Variants in SMYD2 observed in about 807,000 individuals in gnomAD.
SMYD2 encodes N-lysine methyltransferase SMYD2.
In SMYD2, 53 loss-of-function variants were observed where a neutral mutation model predicts 59.1. The observed-to-expected ratio is 0.90, with a 90% confidence interval of 0.72 to 1.13. The LOEUF (loss-of-function observed/expected upper bound fraction) is 1.13. Among genes scored for constraint, SMYD2 ranks in the 50% most tolerant of loss-of-function variants. The probability of loss-of-function intolerance (pLI) is 0.00; values close to 1 mark genes in which losing one functional copy is unlikely to be tolerated. For synonymous variants in SMYD2, 208 were observed against 198.8 expected, an observed-to-expected ratio of 1.05 and a Z score of -0.39; for missense variants, 494 against 544.7, an observed-to-expected ratio of 0.91 and a Z score of 0.93.
At chr1:214,327,022 ATC>A (rs1385343786) in intron 6 of SMYD2, among the ~76,000 whole-genome samples, 2 of 152,246 alleles carry the variant, frequency 1.3e-5, no homozygotes, top group Non-Finnish European at 2.9e-5. Flanking sequence ...GCATAGGCGA[ATC>A]TCTCTCTCTC....
intron 1 of SMYD2, among the ~76,000 whole-genome samples, chr1:214,284,723 C>T (rs1656508133): frequency 6.6e-6 from 1 of 151,954 alleles, no homozygotes; most frequent in Non-Finnish European, 1.5e-5. Flanking sequence ...ATCATGTTGG[C>T]CAGGCTGGTC....
rs189064541 is a variant in SMYD2 at position 214,315,628 on chromosome 1, C to T, written c.348+756C>T. 5.3e-5 allele frequency among the ~76,000 whole-genome samples: 8 copies of T among 152,280 alleles called. No individual in the cohort carries two copies. In the East Asian group the frequency reaches 1.5e-3, roughly 29 times the overall value. On this transcript the variant is annotated intron_variant, in intron 3 of 11. Coordinates refer to ENST00000366957, the MANE Select transcript of SMYD2 (RefSeq NM_020197.3). ...AGTTTATTAGAAACATTTACTAGGA[C>T]TTATGAACTGAAGCCATGTCTATGT...
At chr1:214,290,266 C>G (rs372678659) in intron 1 of SMYD2, among the ~76,000 whole-genome samples, 1 of 152,172 alleles carries the variant, frequency 6.6e-6, no homozygotes, top group Admixed American at 6.5e-5. Context: ...TCCGTACATT[C>G]GCTGAGAATC....
At chr1:214,294,267 T>C (rs1438086294) in intron 1 of SMYD2, among the ~76,000 whole-genome samples, 3 of 152,236 alleles carry the variant, frequency 2.0e-5, no homozygotes, top group Non-Finnish European at 4.4e-5. Flanking sequence ...GTAATTCGCC[T>C]AAACAAATTG....
At chr1:214,290,695 G>A (rs1656622062) in intron 1 of SMYD2, among the ~76,000 whole-genome samples, 1 of 152,166 alleles carries the variant, frequency 6.6e-6, no homozygotes, top group South Asian at 2.1e-4. Context: ...TATCTTGGGG[G>A]AGGGACGTGG....
chr1:214,334,215 G>C lies in SMYD2; in HGVS notation c.1128G>C (p.Leu376Phe), dbSNP rs770042450. ...CTTGTTCTAGTAAGCACTATCCTTT[G>C]TACTCCCTCAACGTGGCCTCCATGT... ...IIKPYSKHYP[L>F]YSLNVASMWL... Residue 376 changes from leucine (L) to phenylalanine (F), a missense_variant, in exon 11 of 12, where the codon TTG becomes TTC. Coordinates refer to ENST00000366957, the MANE Select transcript of SMYD2 (RefSeq NM_020197.3). 20 of 1,613,852 alleles carry C rather than the reference G, an allele frequency of 1.2e-5. No individual in the cohort carries two copies. The Admixed American group carries it at 3.3e-4, about 27-fold the overall frequency.
rs543360148 is a variant in SMYD2 at position 214,282,267 on chromosome 1, A to G, written c.173+840A>G. On this transcript the variant is annotated intron_variant, in intron 1 of 11. Transcript: ENST00000366957. ...AATCACCAATTCAGTCTTGTCTTTC[A>G]CTTAATGGATGAGAAAACTAAAGCC... is the stretch of plus-strand genomic sequence containing the variant. Among the ~76,000 whole-genome samples, 5 of 152,316 alleles carry G rather than the reference A, an allele frequency of 3.3e-5. No individual in the cohort carries two copies. The South Asian group carries it at 1.0e-3, about 32-fold the overall frequency.
chr1:214,334,083 C>G (rs1169014169), intron 10 of SMYD2, 117 bp from the exon 11 acceptor site: 6 of 815,662 alleles, frequency 7.4e-6, no homozygotes, highest in African/African-American at 1.7e-5. Flanking sequence ...TTTGGAGAGG[C>G]CGCTGGTGGG....
intron 1 of SMYD2, among the ~76,000 whole-genome samples, chr1:214,298,854 CA>C (rs1321417588): frequency 6.6e-6 from 1 of 152,158 alleles, no homozygotes; most frequent in Non-Finnish European, 1.5e-5. Context: ...ATTAAACAGT[CA>C]AAAAATAACA....
At chr1:214,281,643 C>T (rs1015322752) in intron 1 of SMYD2, among the ~76,000 whole-genome samples, 17 of 152,194 alleles carry the variant, frequency 1.1e-4, no homozygotes, top group Admixed American at 1.1e-3. Context: ...ACCGGTGCCC[C>T]GCTGCACGCC....
In SMYD2 at chr1:214,327,701, C is replaced by A. The variant is rs866032840; in HGVS notation, c.682C>A (p.Gln228Lys). 1 of 1,614,116 alleles carries A rather than the reference C, an allele frequency of 6.2e-7. No homozygotes were observed. Among genetic ancestry groups the A allele is most frequent in the African/African-American group, 1.3e-5 (1 of 75,024 alleles). ...KGTLAEVRAV[Q>K]EIKPGEEVFT... ...GACCCTGGCAGAAGTCAGAGCTGTA[C>A]AGGAAATCAAGCCGGGAGAGGAGGT... Residue 228 changes from glutamine to lysine, a missense_variant, in exon 7 of 12, where the codon CAG (glutamine) becomes AAG (lysine). Gln to Lys is a moderately conservative substitution (Grantham distance 53, BLOSUM62 1). Transcript: ENST00000366957.
At chr1:214,335,398 G>A (rs1657420663) in intron 11 of SMYD2, among the ~76,000 whole-genome samples, 1 of 152,242 alleles carries the variant, frequency 6.6e-6, no homozygotes, top group Non-Finnish European at 1.5e-5. Context: ...GAGCAGATCT[G>A]AGCAAGGAAC....
intron 2 of SMYD2, among the ~76,000 whole-genome samples, chr1:214,309,135 A>G (rs897024071): frequency 2.6e-5 from 4 of 152,062 alleles, no homozygotes; most frequent in Non-Finnish European, 5.9e-5. Flanking sequence ...GCTTTATTTG[A>G]TACAATTTGG....
At chr1:214,327,420 T>A in intron 6 of SMYD2, 2 of 504,038 alleles carry the variant, frequency 4.0e-6, no homozygotes, top group Non-Finnish European at 7.2e-6. Context: ...TTTCAGTTTT[T>A]AATATGGTGA....
intron 1 of SMYD2, among the ~76,000 whole-genome samples, chr1:214,282,393 C>T (rs1167266083): frequency 1.3e-5 from 2 of 152,140 alleles, no homozygotes; most frequent in East Asian, 3.9e-4. Flanking sequence ...GTTAGGTGCT[C>T]AGTAAATTTA....
At chr1:214,313,534 G>A (rs970494042) in intron 2 of SMYD2, among the ~76,000 whole-genome samples, 8 of 148,030 alleles carry the variant, frequency 5.4e-5, no homozygotes, top group Non-Finnish European at 7.4e-5. Flanking sequence ...AAAGTCCCCC[G>A]CAACTTTTCA....
rs576021875 is a variant in SMYD2 at position 214,325,796 on chromosome 1, T to TA, written c.602+1090dup. Among the ~76,000 whole-genome samples, 71 of 138,466 alleles carry TA rather than the reference T, an allele frequency of 5.1e-4. No homozygotes were observed. The East Asian group carries it at 8.7e-3, about 17-fold the overall frequency. 90.8% of individuals were successfully genotyped at this position (138,466 alleles called of 152,430 possible). Reference sequence around the variant, plus strand: ...AGCTTTTTTTTTTTTTTTTTTTTTTTAACTTTGGCCCCTGGGAAAAGGCAG... The same window carrying TA: ...AGCTTTTTTTTTTTTTTTTTTTTTTTAAACTTTGGCCCCTGGGAAAAGGCAG... On this transcript the variant is annotated intron_variant, in intron 6 of 11. Coordinates refer to ENST00000366957, the MANE Select transcript of SMYD2 (RefSeq NM_020197.3).
chr1:214,281,479 G>C (rs1656444690), intron 1 of SMYD2, 52 bp downstream of exon 1: 2 of 1,281,376 alleles, frequency 1.6e-6, no homozygotes, highest in African/African-American at 3.1e-5. Flanking sequence ...CGCCGAGCGG[G>C]AGGCTTGGAC....
At chr1:214,290,789 G>A (rs1227398413) in intron 1 of SMYD2, among the ~76,000 whole-genome samples, 2 of 152,194 alleles carry the variant, frequency 1.3e-5, no homozygotes, top group Admixed American at 1.3e-4. Flanking sequence ...TTGGCACTTG[G>A]AAGGAGTTAT....
Sources: gnomAD v4.1 joint callset for allele counts (sites outside exome capture counted in the v4.1 genomes callset) on GRCh38, gnomAD v4.1.1 for gene constraint, MANE v1.5 for transcripts, NCBI Gene and HGNC (gene_info 2026-07-23, HGNC 2026-07-21) for gene names.